IFT81: variants seen among roughly 807,000 people sequenced by gnomAD.
The protein encoded by IFT81 is intraflagellar transport protein 81 homolog.
IFT81 carries 72 observed loss-of-function variants against 102.6 expected under a neutral mutation model. The ratio of observed to expected loss-of-function variants is 0.70; its 90% confidence interval spans 0.58 to 0.85. The LOEUF (loss-of-function observed/expected upper bound fraction) is 0.85. Ranked by LOEUF, IFT81 falls within the 40% of genes least tolerant of loss-of-function variation. The probability of loss-of-function intolerance (pLI) is 0.00; values close to 1 mark genes in which losing one functional copy is unlikely to be tolerated. For synonymous variants in IFT81, 237 were observed against 242.7 expected, an observed-to-expected ratio of 0.98 and a Z score of 0.22; for missense variants, 723 against 787.3, an observed-to-expected ratio of 0.92 and a Z score of 0.98.
intron 15 of IFT81, 61 bp downstream of exon 15, chr12:110,204,011 T>C: frequency 9.8e-7 from 1 of 1,023,692 alleles, no homozygotes; most frequent in Non-Finnish European, 1.5e-6. Flanking sequence ...ACACCTGTAG[T>C]CCCAGCTACT....
At chr12:110,135,534 C>A in intron 7 of IFT81, 97 bp downstream of exon 7, 1 of 731,334 alleles carries the variant, frequency 1.4e-6, no homozygotes, top group Non-Finnish European at 2.3e-6. Flanking sequence ...TAGACGTTCA[C>A]GTTCCTTTTG....
At chr12:110,156,475 T>C (rs760957376) in intron 10 of IFT81, among the ~76,000 whole-genome samples, 1 of 152,104 alleles carries the variant, frequency 6.6e-6, no homozygotes, top group Non-Finnish European at 1.5e-5. Context: ...TTTGTTTATC[T>C]GGGAATGTCT....
chr12:110,134,842 G>A (rs1302281064), intron 5 of IFT81, 106 bp from the exon 6 acceptor site: 3 of 789,672 alleles, frequency 3.8e-6, no homozygotes. Context: ...TAATGCTGTG[G>A]TTATAAATGA....
chr12:110,125,082 A>AT (rs979820706), intron 1 of IFT81, among the ~76,000 whole-genome samples: 3 of 151,564 alleles, frequency 2.0e-5, no homozygotes, highest in East Asian at 1.9e-4. Context: ...GTTTATCCAG[A>AT]TTTTTTTTTA....
chr12:110,152,860 G>T (rs1165824551), intron 10 of IFT81, among the ~76,000 whole-genome samples: 1 of 152,066 alleles, frequency 6.6e-6, no homozygotes, highest in Non-Finnish European at 1.5e-5. Context: ...CAAAGTACTG[G>T]GATTACAAGC....
chr12:110,132,759 T>A, intron 5 of IFT81, 123 bp downstream of exon 5: 1 of 532,112 alleles, frequency 1.9e-6, no homozygotes, highest in Non-Finnish European at 3.4e-6. Context: ...ATGGCACATT[T>A]TACTTTGTGG....
chr12:110,139,557 G>A (rs1342375738), intron 8 of IFT81, among the ~76,000 whole-genome samples: 1 of 151,376 alleles, frequency 6.6e-6, no homozygotes, highest in Admixed American at 6.6e-5. Context: ...TGGATCACAA[G>A]GTCAGGAGAG....
At chr12:110,172,329 T>TCTG (rs1023447449) in intron 11 of IFT81, among the ~76,000 whole-genome samples, 6 of 150,962 alleles carry the variant, frequency 4.0e-5, no homozygotes, top group Non-Finnish European at 8.9e-5. Flanking sequence ...CTCCTCTGCC[T>TCTG]CCTCTGCCTC....
intron 14 of IFT81, among the ~76,000 whole-genome samples, chr12:110,193,807 C>T (rs1012272522): frequency 3.3e-5 from 5 of 152,142 alleles, no homozygotes; most frequent in Non-Finnish European, 7.4e-5. Context: ...ATATTAACAG[C>T]TGTTTGAATA....
At chr12:110,152,023 A>G (rs1406805471) in intron 10 of IFT81, among the ~76,000 whole-genome samples, 5 of 152,192 alleles carry the variant, frequency 3.3e-5, no homozygotes, top group African/African-American at 1.2e-4. Context: ...TCCATTATGT[A>G]TATACCACAT....
chr12:110,154,225 G>A (rs1463571584), intron 10 of IFT81, among the ~76,000 whole-genome samples: 1 of 148,348 alleles, frequency 6.7e-6, no homozygotes, highest in East Asian at 2.0e-4. Flanking sequence ...CCTCATGATA[G>A]ACCTGCCTTG....
chr12:110,205,420 C>T, intron 15 of IFT81, 23 bp from the exon 16 acceptor site: 1 of 1,566,138 alleles, frequency 6.4e-7, no homozygotes, highest in Non-Finnish European at 8.6e-7. Flanking sequence ...ATAATGTCAC[C>T]TATCTAAAAT....
intron 10 of IFT81, among the ~76,000 whole-genome samples, chr12:110,154,809 G>A (rs1404158633): frequency 2.0e-5 from 3 of 151,856 alleles, no homozygotes; most frequent in Non-Finnish European, 2.9e-5. Flanking sequence ...TTTGGCCACA[G>A]TCTCACTCTG....
chr12:110,199,967 A>G (rs1325518414), intron 14 of IFT81, among the ~76,000 whole-genome samples: 1 of 152,206 alleles, frequency 6.6e-6, no homozygotes, highest in Non-Finnish European at 1.5e-5. Flanking sequence ...GCATAGACCC[A>G]AGGCTTTGCA....
At chr12:110,151,933 C>A (rs138666417) in intron 10 of IFT81, among the ~76,000 whole-genome samples, 58 of 152,228 alleles carry the variant, frequency 3.8e-4, no homozygotes. Context: ...TGGCTTATTT[C>A]ATTTAACATA....
chr12:110,125,457 C>T (rs1161231394), intron 1 of IFT81, among the ~76,000 whole-genome samples: 3 of 152,158 alleles, frequency 2.0e-5, no homozygotes, highest in Non-Finnish European at 4.4e-5. Context: ...TGCAGTGGCG[C>T]GATCTCGGCT....
chr12:110,143,389 G>A lies in IFT81; in HGVS notation c.789G>A (p.Met263Ile), dbSNP rs1183878595. The change falls in exon 9 of 19, where the codon ATG becomes ATA. Residue 263 changes from methionine to isoleucine, a missense_variant. Met to Ile is a conservative substitution (Grantham distance 10). Coordinates refer to ENST00000242591, the MANE Select transcript of IFT81 (RefSeq NM_014055.4). ...TTTATTTTATTTTTAAAGGTTTAAT[G>A]AAGAGGCTAGAGGAGGAGATAAAAT... ...AAADAKPESL[M>I]KRLEEEIKFN... is the part of the protein sequence containing the mutation. 7.5e-7 allele frequency: 1 copy of A among 1,330,528 alleles called. No individual in the cohort carries two copies. Among genetic ancestry groups the A allele is most frequent in the Non-Finnish European group, 1.0e-6 (1 of 995,324 alleles). The allele number at this position is 1,330,528 out of a possible 1,614,324, so 82.4% of individuals were successfully genotyped here.
chr12:110,216,689 C>T, intron 18 of IFT81: 1 of 429,272 alleles, frequency 2.3e-6, no homozygotes, highest in Non-Finnish European at 4.6e-6. Flanking sequence ...TTTTGTATTT[C>T]ATATTTTTGT....
At chr12:110,212,769 G>A (rs1432362353) in intron 18 of IFT81, among the ~76,000 whole-genome samples, 2 of 151,686 alleles carry the variant, frequency 1.3e-5, no homozygotes, top group African/African-American at 2.4e-5. Context: ...CCCAGGAGGT[G>A]GAGGTTGCAG....
Sources: gnomAD v4.1 joint callset for allele counts (sites outside exome capture counted in the v4.1 genomes callset) on GRCh38, gnomAD v4.1.1 for gene constraint, MANE v1.5 for transcripts, NCBI Gene and HGNC (gene_info 2026-07-23, HGNC 2026-07-21) for gene names.